Variants in MAP2K1 observed in about 807,000 individuals in gnomAD.
MAP2K1 encodes dual specificity mitogen-activated protein kinase kinase 1.
In MAP2K1, 16 loss-of-function variants were observed where a neutral mutation model predicts 46.3. That is an observed-to-expected ratio of 0.35 (90% CI 0.23 to 0.52). The LOEUF is 0.52. Among genes scored for constraint, MAP2K1 ranks in the 20% least tolerant of loss-of-function variants. The pLI, the probability that MAP2K1 is intolerant of heterozygous loss-of-function variation, is 0.94. For synonymous variants in MAP2K1, 183 were observed against 185.6 expected, an observed-to-expected ratio of 0.99 and a Z score of 0.11; for missense variants, 263 against 497.1, an observed-to-expected ratio of 0.53 and a Z score of 4.48.
intron 3 of MAP2K1, among the ~76,000 whole-genome samples, chr15:66,438,067 GT>G (rs550656052): frequency 6.8e-6 from 1 of 146,438 alleles, no homozygotes; most frequent in Non-Finnish European, 1.5e-5. Context: ...GTGATGAAGG[GT>G]TTTTTTCCCC....
intron 5 of MAP2K1, among the ~76,000 whole-genome samples, chr15:66,464,423 G>T (rs535418354): frequency 6.6e-6 from 1 of 152,334 alleles, no homozygotes; most frequent in Admixed American, 6.5e-5. Context: ...TTTTGAAGTT[G>T]TCTAGCTTCG....
At chr15:66,408,841 CCT>C (rs1436403059) in intron 1 of MAP2K1, among the ~76,000 whole-genome samples, 1 of 152,132 alleles carries the variant, frequency 6.6e-6, no homozygotes, top group East Asian at 1.9e-4. Flanking sequence ...CCATCACAGA[CCT>C]CTCCTCCACC....
chr15:66,410,749 G>C (rs2093409366), intron 1 of MAP2K1, among the ~76,000 whole-genome samples: 1 of 152,288 alleles, frequency 6.6e-6, no homozygotes, highest in East Asian at 1.9e-4. Flanking sequence ...GTCTGGGGTA[G>C]GTCTTAAGGG....
intron 5 of MAP2K1, among the ~76,000 whole-genome samples, chr15:66,471,024 C>T (rs901402027): frequency 2.0e-5 from 3 of 152,130 alleles, no homozygotes; most frequent in Admixed American, 2.0e-4. Context: ...CACTTGGATT[C>T]TTTTGAGTTT....
rs139602169 is a variant in MAP2K1 at position 66,440,600 on chromosome 15, G to A, written c.439-2680G>A. On this transcript the variant is annotated intron_variant, in intron 3 of 10. Coordinates refer to ENST00000307102, the MANE Select transcript of MAP2K1 (RefSeq NM_002755.4). ...GGGGAAGTAGATTGCTGCTCAGGTT[G>A]GTAGCTGAGCCAACCGGAGAACTAG... Among the ~76,000 whole-genome samples the A allele has an allele frequency of 1.5e-3, 223 of 152,330 alleles. 1 individual carries two copies. The highest frequency in any genetic ancestry group is 5.0e-3 in the African/African-American group (209 of 41,564).
chr15:66,426,254 C>T (rs995248315), intron 1 of MAP2K1, among the ~76,000 whole-genome samples: 24 of 148,214 alleles, frequency 1.6e-4, no homozygotes, highest in African/African-American at 5.2e-4. Context: ...GGAAAATAGA[C>T]ACTATGGCTA....
intron 1 of MAP2K1, among the ~76,000 whole-genome samples, chr15:66,406,299 G>A (rs1036247443): frequency 1.3e-5 from 2 of 152,216 alleles, no homozygotes; most frequent in African/African-American, 4.8e-5. Context: ...TTCAGTAAAA[G>A]CCTCAGTGTG....
At chr15:66,474,013 G>A (rs1892700267) in intron 5 of MAP2K1, among the ~76,000 whole-genome samples, 1 of 152,094 alleles carries the variant, frequency 6.6e-6, no homozygotes, top group Non-Finnish European at 1.5e-5. Flanking sequence ...GGAATGTTGT[G>A]TGCCAATGAA....
chr15:66,414,855 A>T, intron 1 of MAP2K1: 1 of 258,128 alleles, frequency 3.9e-6, no homozygotes, highest in South Asian at 3.8e-5. Context: ...GGATTCAGCA[A>T]CGATCGAGAC....
At chr15:66,395,683 T>C (rs2093365949) in intron 1 of MAP2K1, among the ~76,000 whole-genome samples, 1 of 151,050 alleles carries the variant, frequency 6.6e-6, no homozygotes, top group Non-Finnish European at 1.5e-5. Flanking sequence ...CTCAAGTGAG[T>C]ATCGTGCCTC....
chr15:66,397,313 C>CT (rs1332842860), intron 1 of MAP2K1, among the ~76,000 whole-genome samples: 1 of 152,120 alleles, frequency 6.6e-6, no homozygotes, highest in Non-Finnish European at 1.5e-5. Context: ...TGTAACACTT[C>CT]TTAATGGTGT....
At chr15:66,397,879 A>G (rs527412604) in intron 1 of MAP2K1, among the ~76,000 whole-genome samples, 23 of 152,236 alleles carry the variant, frequency 1.5e-4, no homozygotes, top group African/African-American at 5.3e-4. Context: ...CGAGGCGTGC[A>G]GATCACGAGC....
rs1284398161 is a variant in MAP2K1, at chr15:66,485,125, T to A, written c.829T>A (p.Cys277Ser). The A allele has an allele frequency of 6.2e-7, 1 of 1,613,968 alleles. No individual in the cohort carries two copies. The highest frequency in any genetic ancestry group is 2.2e-5 in the East Asian group (1 of 44,872). Residue 277 changes from cysteine (C) to serine (S), a missense_variant, in exon 7 of 11, where the codon TGC (cysteine) becomes AGC (serine). By Grantham distance (112) the Cys-to-Ser change is moderately radical. Around this residue, in one of 4 missense-constraint regions of MAP2K1, gnomAD observed 118 missense variants for 193.0 expected, o/e 0.61. Transcript: ENST00000307102. ...DAKELELMFG[C>S]QVEGDAAETP... ...CAAGGAGCTGGAGCTGATGTTTGGGTGCCAGGTGGAAGGAGATGCGGCTGA... is the reference window on the plus strand; with the variant it reads ...CAAGGAGCTGGAGCTGATGTTTGGGAGCCAGGTGGAAGGAGATGCGGCTGA...
At chr15:66,419,109 G>A (rs1255672319) in intron 1 of MAP2K1, among the ~76,000 whole-genome samples, 2 of 151,394 alleles carry the variant, frequency 1.3e-5, no homozygotes, top group Non-Finnish European at 2.9e-5. Context: ...TGGGATTACA[G>A]GCGTGCACCA....
intron 7 of MAP2K1, among the ~76,000 whole-genome samples, chr15:66,486,582 TAA>T (rs1893042819): frequency 6.6e-6 from 1 of 152,204 alleles, no homozygotes; most frequent in Non-Finnish European, 1.5e-5. Flanking sequence ...CCCAAGATGA[TAA>T]ACACTGTGCA....
At chr15:66,430,767 A>G (rs2093473229) in intron 1 of MAP2K1, among the ~76,000 whole-genome samples, 1 of 152,172 alleles carries the variant, frequency 6.6e-6, no homozygotes, top group Non-Finnish European at 1.5e-5. Context: ...CACAAATGAA[A>G]GGTTCCAGTT....
chr15:66,428,611 C>A lies in MAP2K1; in HGVS notation c.81-6416C>A, dbSNP rs546462395. Among the ~76,000 whole-genome samples the A allele has an allele frequency of 2.0e-5, 3 of 152,088 alleles. No homozygotes were observed. The South Asian group carries it at 6.2e-4, about 32-fold the overall frequency. On this transcript the variant is annotated intron_variant, in intron 1 of 10. Transcript: ENST00000307102. ...GTTAATCTCATCCAAAAAACCCCCA[C>A]AAAAACCAAAAACATTTTCACAGAA...
intron 5 of MAP2K1, among the ~76,000 whole-genome samples, chr15:66,478,366 T>G (rs1293770817): frequency 4.2e-5 from 5 of 120,010 alleles, no homozygotes; most frequent in Admixed American, 1.6e-4. Context: ...TATACACACA[T>G]ATATGTTAAA....
intron 1 of MAP2K1, among the ~76,000 whole-genome samples, chr15:66,396,155 G>A (rs371687575): frequency 6.6e-6 from 1 of 151,764 alleles, no homozygotes; most frequent in Non-Finnish European, 1.5e-5. Flanking sequence ...ACAGGTATGC[G>A]CCACCACATC....
Sources: allele counts gnomAD v4.1 joint callset (sites outside exome capture counted in the v4.1 genomes callset), GRCh38; gene constraint gnomAD v4.1.1; regional missense constraint gnomAD v4.1.1; transcripts MANE v1.5; gene names NCBI Gene and HGNC (gene_info 2026-07-23, HGNC 2026-07-21).